The following UST variants were observed in gnomAD, a reference collection of about 807,000 sequenced individuals.
UST encodes uronyl 2-sulfotransferase.
A neutral mutation model predicts 45.6 loss-of-function variants in UST; 21 were observed. The ratio of observed to expected loss-of-function variants is 0.46; its 90% CI spans 0.33 to 0.66. The LOEUF is 0.66. UST is among the 30% of genes least tolerant of loss of function. The pLI is 0.02. For synonymous variants in UST, 215 were observed against 200.6 expected, an observed-to-expected ratio of 1.07 and a Z score of -0.61; for missense variants, 463 against 512.4, an observed-to-expected ratio of 0.90 and a Z score of 0.93.
chr6:149,029,726 T>C (rs1391811004), intron 7 of UST, among the ~76,000 whole-genome samples: 2 of 152,028 alleles, frequency 1.3e-5, no homozygotes, highest in Non-Finnish European at 2.9e-5. Context: ...AATTAAGTTG[T>C]TTTTAAAAAC....
chr6:148,916,073 A>G (rs1562298589), intron 2 of UST, among the ~76,000 whole-genome samples: 1 of 152,350 alleles, frequency 6.6e-6, no homozygotes, highest in East Asian at 1.9e-4. Context: ...TGATCTATTC[A>G]GCTGTTTGCT....
intron 4 of UST, 109 bp from the exon 5 acceptor site, chr6:148,964,301 G>GCT (rs1780734596): frequency 7.5e-7 from 1 of 1,325,102 alleles, no homozygotes; most frequent in Admixed American, 2.0e-5. Flanking sequence ...CTTAGCATAG[G>GCT]AGGTCATCTT....
chr6:148,873,982 A>G (rs1778604806), intron 1 of UST, among the ~76,000 whole-genome samples: 1 of 152,272 alleles, frequency 6.6e-6, no homozygotes, highest in South Asian at 2.1e-4. Flanking sequence ...TGGCAGCCAC[A>G]TGACATCTAG....
chr6:149,009,946 A>G (rs1019324706), intron 5 of UST, among the ~76,000 whole-genome samples: 4 of 151,720 alleles, frequency 2.6e-5, no homozygotes, highest in African/African-American at 7.3e-5. Context: ...TTATTCTACC[A>G]TCTTAGATCC....
chr6:148,826,272 C>T (rs757028221), intron 1 of UST, among the ~76,000 whole-genome samples: 21 of 152,160 alleles, frequency 1.4e-4, no homozygotes, highest in African/African-American at 2.7e-4. Context: ...GCCACCATGC[C>T]GGGCTAATTT....
intron 2 of UST, among the ~76,000 whole-genome samples, chr6:148,935,950 G>A (rs528142403): frequency 1.4e-4 from 22 of 152,278 alleles, no homozygotes; most frequent in African/African-American, 5.1e-4. Context: ...ATCGCCGACT[G>A]TTGAAAAACA....
At chr6:148,812,754 T>G (rs1777282832) in intron 1 of UST, among the ~76,000 whole-genome samples, 1 of 152,220 alleles carries the variant, frequency 6.6e-6, no homozygotes, top group African/African-American at 2.4e-5. Flanking sequence ...AACCTAATCT[T>G]GGAAGTAATA....
intron 2 of UST, among the ~76,000 whole-genome samples, chr6:148,895,905 T>C: frequency 6.6e-6 from 1 of 152,230 alleles, no homozygotes; most frequent in Non-Finnish European, 1.5e-5. Context: ...TAAGAAAGAT[T>C]ACATTTTTTT....
At chr6:148,824,624 T>G (rs1777532680) in intron 1 of UST, among the ~76,000 whole-genome samples, 1 of 152,110 alleles carries the variant, frequency 6.6e-6, no homozygotes, top group Non-Finnish European at 1.5e-5. Context: ...TCATTATTTA[T>G]TTTCACTACC....
Position 149,043,021 on chromosome 6 carries a change from T to C in UST, c.937+21540T>C, listed in dbSNP as rs369845261. Among the ~76,000 whole-genome samples the C allele has an allele frequency of 4.7e-4, 56 of 118,296 alleles. 1 individual carries two copies. The highest frequency in any genetic ancestry group is 5.1e-4 in the South Asian group (2 of 3,922). 77.6% of individuals were successfully genotyped at this position (118,296 alleles called of 152,430 possible). A position where few individuals can be genotyped will look rare whatever the true frequency, so the allele number is the denominator to read the frequency against. On this transcript the variant is annotated intron_variant, in intron 7 of 7. Coordinates refer to ENST00000367463, the MANE Select transcript of UST (RefSeq NM_005715.3). ...TTTCTTTCTTTCTTTCTTTCTTTCT[T>C]TTTCTTTCTTTCTTTCTTTCTTTCC...
At chr6:149,016,329 C>T (rs567544641) in intron 5 of UST, among the ~76,000 whole-genome samples, 1 of 152,206 alleles carries the variant, frequency 6.6e-6, no homozygotes, top group Admixed American at 6.5e-5. Context: ...CCAGTGCCTC[C>T]TCCGCCCTCC....
At chr6:148,947,243 C>A (rs979536022) in intron 3 of UST, among the ~76,000 whole-genome samples, 9 of 152,064 alleles carry the variant, frequency 5.9e-5, no homozygotes, top group African/African-American at 2.2e-4. Context: ...TTGGCAATGA[C>A]CTTGAGCAGT....
intron 3 of UST, among the ~76,000 whole-genome samples, chr6:148,949,836 T>C (rs1780329645): frequency 6.6e-6 from 1 of 152,166 alleles, no homozygotes; most frequent in South Asian, 2.1e-4. Flanking sequence ...TCAACTACAA[T>C]GTAATGTAGA....
At chr6:149,016,349 C>T (rs549953007) in intron 5 of UST, among the ~76,000 whole-genome samples, 1 of 152,344 alleles carries the variant, frequency 6.6e-6, no homozygotes, top group African/African-American at 2.4e-5. Flanking sequence ...CCCTCACCAG[C>T]CAGCTGATGC....
intron 1 of UST, among the ~76,000 whole-genome samples, chr6:148,797,539 G>A (rs1232704475): frequency 2.6e-5 from 4 of 152,166 alleles, no homozygotes; most frequent in African/African-American, 9.7e-5. Context: ...GGAATACAAA[G>A]CCTTAATGAT....
chr6:148,942,787 G>A (rs1582911992), intron 3 of UST, among the ~76,000 whole-genome samples: 1 of 152,078 alleles, frequency 6.6e-6, no homozygotes, highest in East Asian at 1.9e-4. Flanking sequence ...ACTATGTTTT[G>A]TGTCTTTTAT....
chr6:149,031,327 G>C (rs1776138246), intron 7 of UST, among the ~76,000 whole-genome samples: 1 of 152,090 alleles, frequency 6.6e-6, no homozygotes, highest in Non-Finnish European at 1.5e-5. Context: ...AAACACTTGT[G>C]ATTTTTTTTA....
rs759356619 is a variant in UST, at chr6:148,964,455, C to T, written c.573C>T (p.Pro191=). The T allele has an allele frequency of 5.6e-6, 9 of 1,614,154 alleles. No homozygotes were observed. Among genetic ancestry groups the T allele is most frequent in the South Asian group, 2.2e-5 (2 of 91,084 alleles). The change falls in exon 5 of 8, where the codon CCC becomes CCT. Residue 191 remains proline, a synonymous_variant. Coordinates refer to ENST00000367463, the MANE Select transcript of UST (RefSeq NM_005715.3). The stretch of plus-strand genomic sequence containing the variant: ...TCTACATCAACATCATTAGAGACCC[C>T]GTCAACCGGTTCTTATCCAACTATT... ...QPVYINIIRD[P]VNRFLSNYFF...
chr6:149,057,689 A>ATTTT (rs1776587766), intron 7 of UST, among the ~76,000 whole-genome samples: 1 of 152,240 alleles, frequency 6.6e-6, no homozygotes, highest in Admixed American at 6.5e-5. Flanking sequence ...AGCATATAAA[A>ATTTT]ACACATTGCA....
Sources: allele counts gnomAD v4.1 joint callset (sites outside exome capture counted in the v4.1 genomes callset), GRCh38; gene constraint gnomAD v4.1.1; transcripts MANE v1.5; gene names NCBI Gene and HGNC (gene_info 2026-07-23, HGNC 2026-07-21).